NAALADL2: variants seen among roughly 807,000 people sequenced by gnomAD.
The protein encoded by NAALADL2 is N-acetylated alpha-linked acidic dipeptidase like 2, also known as inactive N-acetylated-alpha-linked acidic dipeptidase-like protein 2.
A neutral mutation model predicts 87.2 loss-of-function variants in NAALADL2; 76 were observed. The ratio of observed to expected loss-of-function variants is 0.87; its 90% CI spans 0.72 to 1.05. The LOEUF is 1.05. Among genes scored for constraint, NAALADL2 ranks in the 50% least tolerant of loss-of-function variants. The pLI is 0.00. For missense variants in NAALADL2, 1,089 were observed against 945.8 expected (o/e 1.15, Z -1.99); for synonymous variants, 354 against 331.0 (o/e 1.07, Z -0.75).
chr3:174,902,037 G>A (rs554855177), intron 1 of NAALADL2, among the ~76,000 whole-genome samples: 2 of 152,050 alleles, frequency 1.3e-5, no homozygotes, highest in African/African-American at 4.8e-5. Flanking sequence ...CACGACTTAC[G>A]TGGGAATCTC....
chr3:175,410,868 C>T (rs1193621661), intron 5 of NAALADL2, among the ~76,000 whole-genome samples: 2 of 152,068 alleles, frequency 1.3e-5, no homozygotes, highest in Admixed American at 6.6e-5. Flanking sequence ...GGACAGACGC[C>T]CTCTTTTTTG....
chr3:174,702,223 G>T (rs2056129), intron 2 of NAALADL2, among the ~76,000 whole-genome samples: 67,092 of 151,878 alleles, frequency 0.44, 15,061 homozygotes, highest in South Asian at 0.52. Context: ...ATCTTCTATG[G>T]TTAAACATTT....
chr3:175,541,402 G>A (rs915932905), intron 9 of NAALADL2, among the ~76,000 whole-genome samples: 1 of 152,070 alleles, frequency 6.6e-6, no homozygotes, highest in Non-Finnish European at 1.5e-5. Flanking sequence ...TACCTTAAAG[G>A]TGCTCAAAAC....
intron 2 of NAALADL2, among the ~76,000 whole-genome samples, chr3:174,572,017 A>C (rs1180508320): frequency 6.6e-6 from 1 of 152,244 alleles, no homozygotes; most frequent in African/African-American, 2.4e-5. Flanking sequence ...TACCGCAGGT[A>C]GAATAACCTT....
intron 4 of NAALADL2, among the ~76,000 whole-genome samples, chr3:175,263,714 C>T (rs1383729821): frequency 1.3e-5 from 2 of 150,934 alleles, no homozygotes; most frequent in Admixed American, 1.3e-4. Context: ...AGTAAAATAG[C>T]AAGGAAGAGA....
In NAALADL2 at chr3:175,239,454, A is replaced by G. The variant is rs1408862760; in HGVS notation, c.819+5250A>G. On this transcript the variant is annotated intron_variant, in intron 3 of 13. Transcript: ENST00000454872. ...AATTATTTCTTTTGTCCTTTGTGAA[A>G]CACCAGCAGATGTAGAAAAGCAAAT... 6.7e-4 allele frequency among the ~76,000 whole-genome samples: 102 copies of G among 152,204 alleles called. 2 individuals carry two copies. Among genetic ancestry groups the G allele is most frequent in the Admixed American group, 6.5e-3 (100 of 15,274 alleles).
intron 2 of NAALADL2, among the ~76,000 whole-genome samples, chr3:175,131,352 C>T (rs1214610395): frequency 6.6e-6 from 1 of 151,982 alleles, no homozygotes; most frequent in Non-Finnish European, 1.5e-5. Context: ...GTGGTGATGA[C>T]TCTTAATGAG....
intron 3 of NAALADL2, among the ~76,000 whole-genome samples, chr3:174,791,352 A>G (rs1448065004): frequency 6.6e-6 from 1 of 152,160 alleles, no homozygotes; most frequent in Non-Finnish European, 1.5e-5. Flanking sequence ...GAGAGCCTTC[A>G]TGAATGGGAT....
At chr3:175,467,218 TC>T (rs1211168359) in intron 8 of NAALADL2, 34 bp downstream of exon 8, 2 of 1,556,108 alleles carry the variant, frequency 1.3e-6, no homozygotes, top group Admixed American at 1.8e-5. Context: ...ACAGTGCTTT[TC>T]TTTTCTTAGT....
intron 2 of NAALADL2, among the ~76,000 whole-genome samples, chr3:175,173,783 G>T (rs2108932346): frequency 6.6e-6 from 1 of 152,176 alleles, no homozygotes; most frequent in East Asian, 1.9e-4. Context: ...CCATCTTTCT[G>T]TCTTCCATGC....
rs57274941 is a variant in NAALADL2 at position 175,105,642 on chromosome 3, G to GACACAC, written c.545+8387_545+8392dup. On this transcript the variant is annotated intron_variant, in intron 2 of 13. Coordinates refer to ENST00000454872, the MANE Select transcript of NAALADL2 (RefSeq NM_207015.3). ...AGCAAGATATTTGAGAATACACACA[G>GACACAC]ACACACACACACACACACACACACA... Among the ~76,000 whole-genome samples the GACACAC allele has an allele frequency of 6.1e-3, 880 of 144,608 alleles. 17 individuals carry two copies. The highest frequency in any genetic ancestry group is 0.02 in the African/African-American group (790 of 39,660). The allele number at this position is 144,608 out of a possible 152,430, so 94.9% of individuals were successfully genotyped here.
chr3:175,793,324 T>TC (rs1753042277), intron 13 of NAALADL2, among the ~76,000 whole-genome samples: 3 of 150,206 alleles, frequency 2.0e-5, no homozygotes, highest in African/African-American at 7.3e-5. Flanking sequence ...TTTTTTTTTT[T>TC]TCGAGACGGA....
chr3:175,368,117 G>A (rs12631460), intron 5 of NAALADL2, among the ~76,000 whole-genome samples: 6 of 151,844 alleles, frequency 4.0e-5, no homozygotes, highest in Admixed American at 3.9e-4. Context: ...AGATAATCAT[G>A]TGGTTTTTGT....
chr3:175,459,016 A>G (rs1197929077), intron 6 of NAALADL2, among the ~76,000 whole-genome samples: 1 of 152,058 alleles, frequency 6.6e-6, no homozygotes, highest in Non-Finnish European at 1.5e-5. Context: ...GTGCCCACAC[A>G]CACACCTAGA....
At chr3:175,060,754 A>G (rs926258276) in intron 1 of NAALADL2, among the ~76,000 whole-genome samples, 10 of 152,204 alleles carry the variant, frequency 6.6e-5, no homozygotes, top group Admixed American at 5.9e-4. Flanking sequence ...GAGTTTATAA[A>G]GAAATTCTTC....
At chr3:174,541,063 C>A (rs1463258073) in intron 1 of NAALADL2, among the ~76,000 whole-genome samples, 1 of 152,116 alleles carries the variant, frequency 6.6e-6, no homozygotes, top group Non-Finnish European at 1.5e-5. Flanking sequence ...AGAAACAGAG[C>A]TTTTCTCACA....
intron 10 of NAALADL2, among the ~76,000 whole-genome samples, chr3:175,587,157 A>C (rs1393710396): frequency 6.6e-6 from 1 of 152,224 alleles, no homozygotes; most frequent in Non-Finnish European, 1.5e-5. Flanking sequence ...CGTGGATCCC[A>C]AATATTTTTA....
intron 1 of NAALADL2, among the ~76,000 whole-genome samples, chr3:175,071,708 G>C (rs1160009931): frequency 1.3e-5 from 2 of 151,994 alleles, no homozygotes; most frequent in Non-Finnish European, 2.9e-5. Flanking sequence ...TATCAAAACA[G>C]CTTAGGGTAT....
At chr3:175,678,692 G>C (rs1735166946) in intron 11 of NAALADL2, among the ~76,000 whole-genome samples, 1 of 152,182 alleles carries the variant, frequency 6.6e-6, no homozygotes, top group Non-Finnish European at 1.5e-5. Flanking sequence ...CTTGGACACA[G>C]GGTGGGGAAC....
Sources: allele counts gnomAD v4.1 joint callset (sites outside exome capture counted in the v4.1 genomes callset), GRCh38; gene constraint gnomAD v4.1.1; transcripts MANE v1.5; gene names NCBI Gene and HGNC (gene_info 2026-07-23, HGNC 2026-07-21).